Variants in ZNF423 observed in about 807,000 individuals in gnomAD.
ZNF423 encodes the protein zinc finger protein 423.
A neutral mutation model predicts 95.8 loss-of-function variants in ZNF423; 12 were observed. That is an observed-to-expected ratio of 0.13 (90% CI 0.08 to 0.20). The LOEUF (loss-of-function observed/expected upper bound fraction) is 0.20, where lower values mean the gene tolerates loss of function less well. ZNF423 is among the 10% of genes least tolerant of loss of function. The pLI, the probability that ZNF423 is intolerant of heterozygous loss-of-function variation, is 1.00. For missense variants in ZNF423, 1,316 were observed against 1,737.1 expected, an observed-to-expected ratio of 0.76 and a Z score of 4.31; for synonymous variants, 749 against 711.9, an observed-to-expected ratio of 1.05 and a Z score of -0.83.
At chr16:49,821,568 C>T (rs539998796) in intron 1 of ZNF423, among the ~76,000 whole-genome samples, 29 of 152,270 alleles carry the variant, frequency 1.9e-4, no homozygotes, top group African/African-American at 4.8e-4. Flanking sequence ...ACCAGATGAA[C>T]GGAGGGTCTC....
chr16:49,741,252 T>C (rs909282471), intron 2 of ZNF423, among the ~76,000 whole-genome samples: 1 of 151,600 alleles, frequency 6.6e-6, no homozygotes, highest in African/African-American at 2.4e-5. Flanking sequence ...CCCAGCACTT[T>C]GGGGGGCCAA....
upstream of ZNF423, among the ~76,000 whole-genome samples, chr16:49,859,228 G>C (rs1358500283): frequency 6.6e-6 from 1 of 152,132 alleles, no homozygotes; most frequent in Non-Finnish European, 1.5e-5. Flanking sequence ...GGGGGCAACA[G>C]GATGGGGAGC....
rs80298143 is a variant in ZNF423, at chr16:49,533,767, C to T, written c.3602-8273G>A. Among the ~76,000 whole-genome samples, 567 of 152,296 alleles carry T rather than the reference C, an allele frequency of 3.7e-3. 11 individuals are homozygous for T. Among genetic ancestry groups the T allele is most frequent in the African/African-American group, 0.013 (528 of 41,552 alleles). On this transcript the variant is annotated intron_variant, in intron 5 of 7. Coordinates refer to ENST00000563137, the MANE Select transcript of ZNF423 (RefSeq NM_001379286.1). Reference sequence around the variant, plus strand: ...ATGCCCAGGGTGACACTGGGCCAAGCGCTTCCCTCTGTGTCTCAGTCTCTG... The same window carrying T: ...ATGCCCAGGGTGACACTGGGCCAAGTGCTTCCCTCTGTGTCTCAGTCTCTG...
At chr16:49,720,610 A>G (rs1217758508) in intron 3 of ZNF423, among the ~76,000 whole-genome samples, 3 of 152,196 alleles carry the variant, frequency 2.0e-5, no homozygotes, top group Non-Finnish European at 4.4e-5. Context: ...GAGGATATAC[A>G]CACCAAGGAT....
At chr16:49,742,389 C>A (rs886310736) in intron 2 of ZNF423, among the ~76,000 whole-genome samples, 18 of 152,170 alleles carry the variant, frequency 1.2e-4, no homozygotes, top group African/African-American at 4.3e-4. Flanking sequence ...TCAAACACCC[C>A]CTGCAAGAAA....
At chr16:49,822,752 T>C (rs1032020016) in intron 1 of ZNF423, 30 of 1,595,180 alleles carry the variant, frequency 1.9e-5, no homozygotes, top group Non-Finnish European at 2.2e-5. Flanking sequence ...GGGGAATAAA[T>C]ACAAAATTTC....
chr16:49,514,108 G>A (rs1056663097), intron 7 of ZNF423, among the ~76,000 whole-genome samples: 22 of 151,624 alleles, frequency 1.5e-4, no homozygotes, highest in African/African-American at 4.1e-4. Flanking sequence ...CTCTCCTGGA[G>A]GATCCCCCAG....
chr16:49,641,517 G>A (rs1291430982), intron 3 of ZNF423, among the ~76,000 whole-genome samples: 1 of 152,086 alleles, frequency 6.6e-6, no homozygotes, highest in African/African-American at 2.4e-5. Flanking sequence ...TCAACAACTG[G>A]GCAGGTGAAA....
At chr16:49,520,905 C>T (rs370885919) in intron 7 of ZNF423, among the ~76,000 whole-genome samples, 28 of 152,362 alleles carry the variant, frequency 1.8e-4, no homozygotes, top group Non-Finnish European at 3.5e-4. Flanking sequence ...CGTATTTAAA[C>T]GGTCTATAAT....
At chr16:49,732,592 A>G (rs966754923) in intron 2 of ZNF423, among the ~76,000 whole-genome samples, 3 of 152,248 alleles carry the variant, frequency 2.0e-5, no homozygotes, top group Admixed American at 2.0e-4. Flanking sequence ...GTGTACATGC[A>G]ACATCACAGT....
intron 2 of ZNF423, among the ~76,000 whole-genome samples, chr16:49,766,319 A>T (rs553359683): frequency 8.8e-4 from 134 of 152,332 alleles, no homozygotes; most frequent in African/African-American, 3.1e-3. Context: ...GGCACAGCGG[A>T]TGAGGAAATC....
chr16:49,709,436 G>T (rs946363614), intron 3 of ZNF423, among the ~76,000 whole-genome samples: 1 of 151,950 alleles, frequency 6.6e-6, no homozygotes, highest in South Asian at 2.1e-4. Flanking sequence ...ACGTTTATCA[G>T]GTTCCTACAC....
chr16:49,581,276 A>C (rs1970667386), intron 5 of ZNF423, among the ~76,000 whole-genome samples: 1 of 152,252 alleles, frequency 6.6e-6, no homozygotes, highest in Non-Finnish European at 1.5e-5. Flanking sequence ...TGTGAAAAAA[A>C]GCAAACAATT....
intron 1 of ZNF423, among the ~76,000 whole-genome samples, chr16:49,843,675 G>A (rs1253027892): frequency 6.6e-6 from 1 of 152,162 alleles, no homozygotes; most frequent in African/African-American, 2.4e-5. Flanking sequence ...TCCCCAAGGA[G>A]AGAAATGAAG....
intron 5 of ZNF423, among the ~76,000 whole-genome samples, chr16:49,551,174 A>C (rs1249160796): frequency 6.6e-6 from 1 of 152,190 alleles, no homozygotes; most frequent in East Asian, 1.9e-4. Flanking sequence ...CCTCCTTCCC[A>C]CTCAAACTTC....
At chr16:49,823,496 G>T (rs1020078561) in intron 1 of ZNF423, among the ~76,000 whole-genome samples, 1 of 152,220 alleles carries the variant, frequency 6.6e-6, no homozygotes, top group African/African-American at 2.4e-5. Flanking sequence ...CTCAAAGCTG[G>T]TGTCTGAACA....
At chr16:49,652,162 C>T (rs1319117193) in intron 3 of ZNF423, among the ~76,000 whole-genome samples, 2 of 151,904 alleles carry the variant, frequency 1.3e-5, no homozygotes, top group African/African-American at 2.4e-5. Context: ...AACACTCCCT[C>T]CCCCGCCCCC....
intron 1 of ZNF423, among the ~76,000 whole-genome samples, chr16:49,800,286 A>T (rs548261598): frequency 6.5e-4 from 98 of 151,910 alleles, no homozygotes; most frequent in Non-Finnish European, 1.3e-3. Context: ...ATGGGGTCTC[A>T]CTATGTTGCC....
At chr16:49,570,899 G>A (rs1435183053) in intron 5 of ZNF423, among the ~76,000 whole-genome samples, 1 of 152,192 alleles carries the variant, frequency 6.6e-6, no homozygotes, top group Non-Finnish European at 1.5e-5. Context: ...GGGCCCCATT[G>A]CCACCCTCCT....
Sources: allele counts gnomAD v4.1 joint callset (sites outside exome capture counted in the v4.1 genomes callset), GRCh38; gene constraint gnomAD v4.1.1; transcripts MANE v1.5; gene names NCBI Gene and HGNC (gene_info 2026-07-23, HGNC 2026-07-21).